NRG1: variants seen among roughly 807,000 people sequenced by gnomAD.
NRG1 encodes pro-neuregulin-1, membrane-bound isoform.
A neutral mutation model predicts 63.8 loss-of-function variants in NRG1; 18 were observed. The observed-to-expected ratio is 0.28, with a 90% CI of 0.19 to 0.42. The LOEUF is 0.42. Ranked by LOEUF, NRG1 falls within the 10% of genes least tolerant of loss-of-function variation. The pLI is 1.00. For missense variants in NRG1, 762 were observed against 814.7 expected, an observed-to-expected ratio of 0.94 and a Z score of 0.79; for synonymous variants, 302 against 301.3, an observed-to-expected ratio of 1.00 and a Z score of -0.02.
At chr8:32,128,407 G>C (rs1834383345) in intron 1 of NRG1, among the ~76,000 whole-genome samples, 1 of 151,960 alleles carries the variant, frequency 6.6e-6, no homozygotes, top group Admixed American at 6.6e-5. Context: ...TGCAGTTCCA[G>C]TTTCATTGTC....
intron 1 of NRG1, among the ~76,000 whole-genome samples, chr8:32,408,247 G>A (rs1255871580): frequency 6.6e-6 from 1 of 152,188 alleles, no homozygotes; most frequent in African/African-American, 2.4e-5. Flanking sequence ...ATGAGCATGT[G>A]TCATTAAACT....
At chr8:32,403,930 G>A (rs145029647) in intron 1 of NRG1, among the ~76,000 whole-genome samples, 3 of 152,296 alleles carry the variant, frequency 2.0e-5, no homozygotes, top group African/African-American at 7.2e-5. Context: ...TGAGGCAAGA[G>A]CAGATTCTGT....
At chr8:32,216,428 A>G (rs927704840) in intron 1 of NRG1, among the ~76,000 whole-genome samples, 3 of 148,568 alleles carry the variant, frequency 2.0e-5, no homozygotes, top group East Asian at 3.9e-4. Context: ...AATATAGGTT[A>G]TATTATTAGA....
At chr8:32,163,279 G>C (rs16878888) in intron 1 of NRG1, among the ~76,000 whole-genome samples, 2,132 of 152,230 alleles carry the variant, frequency 0.014, 41 homozygotes, top group African/African-American at 0.047. Context: ...ATGTGTGAGA[G>C]CACTGACTTC....
intron 1 of NRG1, among the ~76,000 whole-genome samples, chr8:32,503,125 A>AAT (rs1174658033): frequency 1.0e-5 from 1 of 97,072 alleles, no homozygotes; most frequent in African/African-American, 4.2e-5. Context: ...CTCTACTAAA[A>AAT]ATACAAAAAA....
intron 1 of NRG1, among the ~76,000 whole-genome samples, chr8:31,720,309 A>G (rs368863037): frequency 6.6e-6 from 1 of 152,218 alleles, no homozygotes; most frequent in East Asian, 1.9e-4. Flanking sequence ...ATTAATTGAC[A>G]TTTTGCAAGC....
intron 1 of NRG1, among the ~76,000 whole-genome samples, chr8:32,351,036 G>T (rs1805537124): frequency 6.6e-6 from 1 of 152,096 alleles, no homozygotes; most frequent in African/African-American, 2.4e-5. Context: ...TCCACTATCG[G>T]TGTACTGAGG....
intron 1 of NRG1, among the ~76,000 whole-genome samples, chr8:32,098,387 G>A (rs111463969): frequency 0.021 from 3,164 of 152,288 alleles, 126 homozygotes; most frequent in African/African-American, 0.072. Context: ...GGATTCTCCT[G>A]TTAGATATAT....
intron 5 of NRG1, among the ~76,000 whole-genome samples, chr8:32,623,856 G>C (rs1387752248): frequency 6.6e-6 from 1 of 152,172 alleles, no homozygotes; most frequent in African/African-American, 2.4e-5. Context: ...CAGTGGAGGA[G>C]AGAATCTAAA....
At chr8:32,028,439 T>C (rs1442213837) in intron 1 of NRG1, among the ~76,000 whole-genome samples, 1 of 152,240 alleles carries the variant, frequency 6.6e-6, no homozygotes, top group Non-Finnish European at 1.5e-5. Context: ...AACTGAATGA[T>C]GGCATCAGCT....
chr8:31,741,839 A>G (rs1463954597), intron 1 of NRG1, among the ~76,000 whole-genome samples: 4 of 152,158 alleles, frequency 2.6e-5, no homozygotes, highest in African/African-American at 9.6e-5. Context: ...AATCCTATAT[A>G]TGCTGTCTAG....
At chr8:31,708,483 G>T (rs113399220) in intron 1 of NRG1, among the ~76,000 whole-genome samples, 4 of 147,712 alleles carry the variant, frequency 2.7e-5, no homozygotes, top group African/African-American at 1.0e-4. Flanking sequence ...TCTCGCTCTG[G>T]CGCCCAGGCT....
chr8:32,719,990 C>T (rs1025544987), intron 5 of NRG1, among the ~76,000 whole-genome samples: 4 of 151,854 alleles, frequency 2.6e-5, no homozygotes, highest in Non-Finnish European at 5.9e-5. Context: ...GACCATATGA[C>T]TTTTATTTGT....
chr8:32,709,585 A>G (rs2128978861), intron 5 of NRG1, among the ~76,000 whole-genome samples: 1 of 151,804 alleles, frequency 6.6e-6, no homozygotes, highest in African/African-American at 2.4e-5. Flanking sequence ...TAATTTTTAA[A>G]TTGTTTTATT....
intron 1 of NRG1, among the ~76,000 whole-genome samples, chr8:31,864,319 A>G (rs1468607564): frequency 2.6e-5 from 4 of 152,186 alleles, no homozygotes; most frequent in African/African-American, 9.7e-5. Context: ...AGTGCAGTAG[A>G]GACACAGTAA....
intron 1 of NRG1, among the ~76,000 whole-genome samples, chr8:32,391,180 G>C (rs977513789): frequency 2.0e-5 from 3 of 152,020 alleles, no homozygotes; most frequent in African/African-American, 7.2e-5. Context: ...GCCCAGGCTG[G>C]AGTGCAGTGG....
chr8:32,592,591 G>C (rs1230608131), intron 1 of NRG1, among the ~76,000 whole-genome samples: 2 of 152,144 alleles, frequency 1.3e-5, no homozygotes, highest in African/African-American at 4.8e-5. Context: ...AATGAAGACA[G>C]AAGGTGAAGA....
At chr8:31,810,053 G>A (rs1243802968) in intron 1 of NRG1, among the ~76,000 whole-genome samples, 1 of 151,894 alleles carries the variant, frequency 6.6e-6, no homozygotes, top group Non-Finnish European at 1.5e-5. Flanking sequence ...TCACCCTGTA[G>A]CTCATGCCAA....
chr8:32,156,213 C>T (rs1003735188), intron 1 of NRG1, among the ~76,000 whole-genome samples: 2 of 152,134 alleles, frequency 1.3e-5, no homozygotes, highest in East Asian at 1.9e-4. Context: ...GGCAGTTCCC[C>T]GGGGTTAGAA....
Sources: gnomAD v4.1 joint callset for allele counts (sites outside exome capture counted in the v4.1 genomes callset) on GRCh38, gnomAD v4.1.1 for gene constraint, MANE v1.5 for transcripts, NCBI Gene and HGNC (gene_info 2026-07-23, HGNC 2026-07-21) for gene names.